Variants in DLGAP4 observed in about 807,000 individuals in gnomAD.
DLGAP4 encodes disks large-associated protein 4.
In DLGAP4, 18 loss-of-function variants were observed where a neutral mutation model predicts 86.9. The observed-to-expected ratio is 0.21, with a 90% CI of 0.14 to 0.31. The LOEUF (loss-of-function observed/expected upper bound fraction) is 0.31, where lower values mean the gene tolerates loss of function less well. DLGAP4 is among the 10% of genes least tolerant of loss of function. The pLI, the probability that DLGAP4 is intolerant of heterozygous loss-of-function variation, is 1.00. For synonymous variants in DLGAP4, 548 were observed against 574.3 expected, an observed-to-expected ratio of 0.95 and a Z score of 0.65; for missense variants, 1,085 against 1,362.6, an observed-to-expected ratio of 0.80 and a Z score of 3.21.
intron 2 of DLGAP4, among the ~76,000 whole-genome samples, chr20:36,367,868 ATCTTT>A (rs2030751786): frequency 6.6e-6 from 1 of 152,184 alleles, no homozygotes; most frequent in African/African-American, 2.4e-5. Context: ...TGCTGCTTGC[ATCTTT>A]TCTTCACCTT....
intron 7 of DLGAP4, among the ~76,000 whole-genome samples, chr20:36,482,855 A>G (rs1184926224): frequency 6.6e-6 from 1 of 151,712 alleles, no homozygotes; most frequent in African/African-American, 2.4e-5. Flanking sequence ...TATTTTTAGT[A>G]GAGACAGGGT....
At chr20:36,439,645 G>A in intron 4 of DLGAP4, 109 bp from the exon 5 acceptor site, 1 of 891,974 alleles carries the variant, frequency 1.1e-6, no homozygotes, top group Non-Finnish European at 1.8e-6. Flanking sequence ...TGCGGCTGCA[G>A]CGGGCATCAC....
intron 1 of DLGAP4, among the ~76,000 whole-genome samples, chr20:36,316,106 T>G (rs1271969512): frequency 6.6e-6 from 1 of 152,188 alleles, no homozygotes; most frequent in Non-Finnish European, 1.5e-5. Flanking sequence ...GTGGGCTCCT[T>G]CCCCATTGAC....
chr20:36,431,451 T>A lies in DLGAP4; in HGVS notation c.-72-195T>A, dbSNP rs200004969. On this transcript the variant is annotated intron_variant, in intron 2 of 12. Coordinates refer to ENST00000339266, the MANE Select transcript of DLGAP4 (RefSeq NM_001365621.2). The surrounding 1 kb of genome is among the most constrained non-coding windows in gnomAD (Gnocchi z 5.1). ...GGAAGATGTTGTGCTTGTCTGATAG[T>A]CGGTAGCTTGAGTTGTAACTTTTAT... Among the ~76,000 whole-genome samples the A allele has an allele frequency of 1.3e-5, 2 of 152,096 alleles. No homozygotes were observed. The highest frequency in any genetic ancestry group is 2.9e-5 in the Non-Finnish European group (2 of 68,002).
At position 36,432,537 on chromosome 20, in the gene DLGAP4, C is replaced by T. The variant is rs1352053065; in HGVS notation, c.820C>T (p.Pro274Ser). 6.2e-7 allele frequency: 1 copy of T among 1,606,982 alleles called. No individual in the cohort carries two copies. Among genetic ancestry groups the T allele is most frequent in the East Asian group, 2.2e-5 (1 of 44,596 alleles). Residue 274 changes from proline (P) to serine (S), a missense_variant, in exon 3 of 13, where the codon CCA becomes TCA. Physicochemically the swap from Pro to Ser is moderately conservative, Grantham distance 74. Coordinates refer to ENST00000339266, the MANE Select transcript of DLGAP4 (RefSeq NM_001365621.2). The surrounding 1 kb of genome is among the most constrained non-coding windows in gnomAD (Gnocchi z 6.5). ...LTAPPPPPAP[P>S]ATCPSLGVGT... is the part of the protein sequence containing the mutation. ...TGCCCCACCACCCCCGCCCGCACCC[C>T]CAGCCACCTGCCCCAGCCTTGGGGT...
intron 7 of DLGAP4, among the ~76,000 whole-genome samples, chr20:36,467,048 CT>C (rs1569509647): frequency 4.8e-4 from 65 of 134,746 alleles, no homozygotes; most frequent in Non-Finnish European, 7.0e-4. Context: ...CTCTCTCTCT[CT>C]CTCTCTCTCT....
At chr20:36,386,455 G>A (rs538684347) in intron 2 of DLGAP4, among the ~76,000 whole-genome samples, 1 of 147,722 alleles carries the variant, frequency 6.8e-6, no homozygotes, top group African/African-American at 2.5e-5. Context: ...AGGATGGAGG[G>A]AAGAAGGAAG....
At chr20:36,447,291 A>C (rs1000415023) in intron 7 of DLGAP4, among the ~76,000 whole-genome samples, 1 of 152,174 alleles carries the variant, frequency 6.6e-6, no homozygotes, top group Non-Finnish European at 1.5e-5. Flanking sequence ...CAGGTAGGCA[A>C]ACCTGTAGGG....
chr20:36,357,660 G>C (rs2030373916), intron 1 of DLGAP4, among the ~76,000 whole-genome samples: 1 of 152,202 alleles, frequency 6.6e-6, no homozygotes, highest in Non-Finnish European at 1.5e-5. Context: ...TGCCTCCTAA[G>C]ATGAACAAAA....
At chr20:36,311,888 C>G (rs2147331793) in intron 1 of DLGAP4, among the ~76,000 whole-genome samples, 1 of 152,324 alleles carries the variant, frequency 6.6e-6, no homozygotes, top group South Asian at 2.1e-4. Context: ...TCTGGGGATT[C>G]TGAAGTTCCC....
At chr20:36,357,469 C>T (rs569641273) in intron 1 of DLGAP4, among the ~76,000 whole-genome samples, 1 of 152,306 alleles carries the variant, frequency 6.6e-6, no homozygotes, top group South Asian at 2.1e-4. Context: ...AATATTTCTG[C>T]CTTTTGCTGC....
chr20:36,504,990 C>CTT (rs757067668), intron 10 of DLGAP4, among the ~76,000 whole-genome samples: 5 of 140,228 alleles, frequency 3.6e-5, no homozygotes, highest in Admixed American at 7.1e-5. Context: ...CACACAGGTT[C>CTT]TTTTTTTTTT....
intron 10 of DLGAP4, among the ~76,000 whole-genome samples, chr20:36,504,164 A>G (rs1184819168): frequency 6.6e-6 from 1 of 152,174 alleles, no homozygotes; most frequent in Non-Finnish European, 1.5e-5. Flanking sequence ...TATATTCACA[A>G]TATTGCACTA....
chr20:36,353,189 T>C (rs1376991425), intron 1 of DLGAP4, among the ~76,000 whole-genome samples: 1 of 151,682 alleles, frequency 6.6e-6, no homozygotes, highest in Non-Finnish European at 1.5e-5. Flanking sequence ...GAGCAGAGGG[T>C]GGGGAGAAAG....
At chr20:36,360,083 A>G (rs562154487) in intron 1 of DLGAP4, among the ~76,000 whole-genome samples, 4 of 152,168 alleles carry the variant, frequency 2.6e-5, no homozygotes, top group Non-Finnish European at 4.4e-5. Context: ...CTCCTTGAAC[A>G]TTTCCTGTCT....
At chr20:36,311,270 C>T (rs1480290295) in intron 1 of DLGAP4, among the ~76,000 whole-genome samples, 3 of 152,124 alleles carry the variant, frequency 2.0e-5, no homozygotes, top group Non-Finnish European at 4.4e-5. Context: ...GCCCCTCTCA[C>T]TGGGTCCTTG....
At chr20:36,487,889 A>G (rs2035484891) in intron 7 of DLGAP4, among the ~76,000 whole-genome samples, 1 of 152,126 alleles carries the variant, frequency 6.6e-6, no homozygotes, top group Non-Finnish European at 1.5e-5. Context: ...TTTTATGGGT[A>G]AAACAACTGC....
In DLGAP4 at chr20:36,527,413, C is replaced by T. The variant is rs183217724; in HGVS notation, c.*382C>T. 20 of 162,870 alleles carry T rather than the reference C, an allele frequency of 1.2e-4. No homozygotes were observed. In the East Asian group the frequency reaches 2.8e-3, roughly 23 times the overall value. 10.1% of individuals were successfully genotyped at this position (162,870 alleles called of 1,614,324 possible). On this transcript the variant is annotated 3_prime_UTR_variant, in exon 13 of 13. Coordinates refer to ENST00000339266, the MANE Select transcript of DLGAP4 (RefSeq NM_001365621.2). ...TTACAAGATGACGACAGTCCAAGGG[C>T]AGCCTTGGGCACCTGCCATGTCCCT...
chr20:36,433,715 G>A (rs527395024), intron 3 of DLGAP4, among the ~76,000 whole-genome samples: 10 of 151,668 alleles, frequency 6.6e-5, no homozygotes, highest in African/African-American at 9.7e-5. Context: ...GCAGTGGCGC[G>A]ATCTCGGCTC....
Sources: gnomAD v4.1 joint callset for allele counts (sites outside exome capture counted in the v4.1 genomes callset) on GRCh38, gnomAD v4.1.1 for gene constraint, Gnocchi (gnomAD v3.1) non-coding constraint, MANE v1.5 for transcripts, NCBI Gene and HGNC (gene_info 2026-07-23, HGNC 2026-07-21) for gene names.